MEI4: variants seen among roughly 807,000 people sequenced by gnomAD.
The protein encoded by MEI4 is meiosis-specific protein MEI4.
MEI4 carries 27 observed loss-of-function variants against 31.4 expected under a neutral mutation model. The observed-to-expected ratio is 0.86, with a 90% CI of 0.63 to 1.19. The LOEUF (loss-of-function observed/expected upper bound fraction) is 1.19. Ranked by LOEUF, MEI4 falls within the 50% of genes most tolerant of loss-of-function variation. MEI4 has a pLI of 0.00. For synonymous variants in MEI4, 122 were observed against 145.4 expected (o/e 0.84, Z 1.16); for missense variants, 329 against 398.9 (o/e 0.82, Z 1.49).
intron 2 of MEI4, among the ~76,000 whole-genome samples, chr6:77,692,330 G>C (rs1239311256): frequency 1.3e-5 from 2 of 148,388 alleles, no homozygotes; most frequent in East Asian, 3.9e-4. Flanking sequence ...CTTGGTTGCA[G>C]GTTTATCTCC....
chr6:77,754,471 C>T (rs1471614583), intron 2 of MEI4, among the ~76,000 whole-genome samples: 1 of 152,166 alleles, frequency 6.6e-6, no homozygotes, highest in Non-Finnish European at 1.5e-5. Context: ...AATCATTTAA[C>T]AGGTCTTTAG....
intron 2 of MEI4, among the ~76,000 whole-genome samples, chr6:77,697,355 T>C: frequency 6.6e-6 from 1 of 152,158 alleles, no homozygotes; most frequent in Non-Finnish European, 1.5e-5. Flanking sequence ...TTAATTGTGA[T>C]GTTAGGGTGT....
At chr6:77,666,857 C>G (rs1176948130) in intron 1 of MEI4, among the ~76,000 whole-genome samples, 5 of 148,228 alleles carry the variant, frequency 3.4e-5, no homozygotes, top group Non-Finnish European at 7.4e-5. Context: ...CTACATGCCT[C>G]TGTGTGTGTG....
intron 4 of MEI4, among the ~76,000 whole-genome samples, chr6:77,922,664 C>T (rs144352037): frequency 1.6e-4 from 25 of 151,812 alleles, no homozygotes; most frequent in African/African-American, 5.5e-4. Flanking sequence ...TATGATATCA[C>T]ATCTATTCCC....
chr6:77,734,527 G>A (rs1184328584), intron 2 of MEI4, among the ~76,000 whole-genome samples: 2 of 151,872 alleles, frequency 1.3e-5, no homozygotes, highest in African/African-American at 2.4e-5. Flanking sequence ...GAGCCTATTT[G>A]TGTCTCTGCA....
intron 2 of MEI4, among the ~76,000 whole-genome samples, chr6:77,696,118 T>A (rs1012755844): frequency 1.3e-5 from 2 of 152,232 alleles, no homozygotes; most frequent in African/African-American, 4.8e-5. Context: ...TGATTTTGTA[T>A]CCTGAGACTT....
chr6:77,833,367 T>C (rs1770130161), intron 4 of MEI4, among the ~76,000 whole-genome samples: 1 of 152,188 alleles, frequency 6.6e-6, no homozygotes, highest in African/African-American at 2.4e-5. Context: ...TCCATGGTTT[T>C]AGTAAGTTTT....
intron 3 of MEI4, among the ~76,000 whole-genome samples, chr6:77,775,067 T>TTTA (rs1422846976): frequency 2.6e-5 from 4 of 152,118 alleles, no homozygotes; most frequent in South Asian, 2.1e-4. Flanking sequence ...ATTTGTCTAA[T>TTTA]ATCTCTCTGC....
intron 1 of MEI4, among the ~76,000 whole-genome samples, chr6:77,672,106 T>C (rs984846805): frequency 1.3e-5 from 2 of 152,342 alleles, no homozygotes; most frequent in African/African-American, 4.8e-5. Flanking sequence ...ACAGGTGATC[T>C]TTCTACTGGC....
At chr6:77,868,457 A>T (rs1771106222) in intron 4 of MEI4, among the ~76,000 whole-genome samples, 1 of 144,676 alleles carries the variant, frequency 6.9e-6, no homozygotes, top group African/African-American at 2.5e-5. Context: ...GATCAACAGT[A>T]TCCATATTTA....
intron 3 of MEI4, among the ~76,000 whole-genome samples, chr6:77,793,041 T>G (rs1333981755): frequency 6.6e-6 from 1 of 152,076 alleles, no homozygotes; most frequent in Non-Finnish European, 1.5e-5. Flanking sequence ...AAGAGAATGT[T>G]TTTCTCCCAG....
chr6:77,700,996 AC>A (rs747123272), intron 2 of MEI4, among the ~76,000 whole-genome samples: 110 of 152,308 alleles, frequency 7.2e-4, no homozygotes, highest in Non-Finnish European at 1.4e-3. Flanking sequence ...AAGTGTACAT[AC>A]CCAGTGACAC....
At chr6:77,921,847 G>A (rs543449107) in intron 4 of MEI4, among the ~76,000 whole-genome samples, 1 of 151,862 alleles carries the variant, frequency 6.6e-6, no homozygotes, top group South Asian at 2.1e-4. Flanking sequence ...TCTGATATGG[G>A]CATGGTTTGT....
Position 77,690,640 on chromosome 6 carries a change from T to C in MEI4, c.-14-18T>C. Reference sequence around the variant, plus strand: ...AGTTAAAAAGAATTTCTATAACTTTTTTCTTATTAAATGATAGGGACAAAA... The same window carrying C: ...AGTTAAAAAGAATTTCTATAACTTTCTTCTTATTAAATGATAGGGACAAAA... On this transcript the variant is annotated intron_variant, in intron 1 of 4. Transcript: ENST00000684080. 1 of 1,152,418 alleles carries C rather than the reference T, an allele frequency of 8.7e-7. No homozygotes were observed. Among genetic ancestry groups the C allele is most frequent in the Non-Finnish European group, 1.1e-6 (1 of 915,504 alleles). 71.4% of individuals were successfully genotyped at this position (1,152,418 alleles called of 1,614,324 possible). A position where few individuals can be genotyped will look rare whatever the true frequency, so the allele number is the denominator to read the frequency against.
At chr6:77,850,604 T>A (rs1325766389) in intron 4 of MEI4, among the ~76,000 whole-genome samples, 1 of 152,182 alleles carries the variant, frequency 6.6e-6, no homozygotes, top group African/African-American at 2.4e-5. Flanking sequence ...TGAAACTGGA[T>A]CTTTTCCTTA....
chr6:77,794,870 T>G (rs981749550), intron 3 of MEI4, among the ~76,000 whole-genome samples: 1 of 152,212 alleles, frequency 6.6e-6, no homozygotes, highest in African/African-American at 2.4e-5. Context: ...TTAAGAATGT[T>G]GATATCATCT....
At chr6:77,698,006 T>C (rs563886754) in intron 2 of MEI4, among the ~76,000 whole-genome samples, 1 of 152,364 alleles carries the variant, frequency 6.6e-6, no homozygotes, top group East Asian at 1.9e-4. Flanking sequence ...AATTGATCCC[T>C]TTGCCATTAG....
intron 1 of MEI4, among the ~76,000 whole-genome samples, chr6:77,680,293 A>C (rs566246335): frequency 2.0e-5 from 3 of 151,016 alleles, no homozygotes; most frequent in Admixed American, 6.6e-5. Flanking sequence ...AAAAATAAAA[A>C]AAAAATAAAA....
At chr6:77,766,217 A>G (rs1377928356) in intron 3 of MEI4, among the ~76,000 whole-genome samples, 1 of 151,990 alleles carries the variant, frequency 6.6e-6, no homozygotes, top group African/African-American at 2.4e-5. Context: ...AACTATTTGA[A>G]TGTTGTGGTT....
Sources: gnomAD v4.1 joint callset for allele counts (sites outside exome capture counted in the v4.1 genomes callset) on GRCh38, gnomAD v4.1.1 for gene constraint, MANE v1.5 for transcripts, NCBI Gene and HGNC (gene_info 2026-07-23, HGNC 2026-07-21) for gene names.